The following PHTF2 variants were observed in gnomAD, a reference collection of about 807,000 sequenced individuals.
PHTF2 encodes protein PHTF2.
A neutral mutation model predicts 101.2 loss-of-function variants in PHTF2; 60 were observed. The ratio of observed to expected loss-of-function variants is 0.59; its 90% CI spans 0.48 to 0.73. The LOEUF is 0.73. PHTF2 is among the 30% of genes least tolerant of loss of function. The pLI is 0.00. For missense variants in PHTF2, 747 were observed against 908.7 expected, an observed-to-expected ratio of 0.82 and a Z score of 2.29; for synonymous variants, 311 against 307.3, an observed-to-expected ratio of 1.01 and a Z score of -0.13.
chr7:77,861,932 C>T (rs1797676704), intron 3 of PHTF2, among the ~76,000 whole-genome samples: 1 of 152,080 alleles, frequency 6.6e-6, no homozygotes, highest in African/African-American at 2.4e-5. Flanking sequence ...TAGCGCATGC[C>T]TGTAATCCCA....
At chr7:77,927,250 AGATT>A (rs932320928) in intron 11 of PHTF2, among the ~76,000 whole-genome samples, 68 of 150,836 alleles carry the variant, frequency 4.5e-4, no homozygotes, top group African/African-American at 1.4e-3. Flanking sequence ...ATAAAGAGAG[AGATT>A]GATTGTGGAA....
chr7:77,895,212 A>T, intron 5 of PHTF2: 1 of 449,312 alleles, frequency 2.2e-6, no homozygotes, highest in South Asian at 1.6e-5. Context: ...TTTGTATGTG[A>T]TACATACATA....
At chr7:77,912,671 A>G (rs1802507108) in intron 9 of PHTF2, among the ~76,000 whole-genome samples, 1 of 127,146 alleles carries the variant, frequency 7.9e-6, no homozygotes, top group Non-Finnish European at 1.7e-5. Context: ...GTATATATAT[A>G]TATTTTTAAC....
chr7:77,833,590 A>G (rs989065157), intron 1 of PHTF2, among the ~76,000 whole-genome samples: 2 of 152,170 alleles, frequency 1.3e-5, no homozygotes, highest in African/African-American at 2.4e-5. Flanking sequence ...ATGAGACTCC[A>G]TCTCTCTCTA....
intron 1 of PHTF2, among the ~76,000 whole-genome samples, chr7:77,806,737 AC>A (rs1175285136): frequency 1.3e-5 from 2 of 151,240 alleles, no homozygotes; most frequent in African/African-American, 2.4e-5. Flanking sequence ...TGTTCTTTTT[AC>A]CTTTTTTGGA....
exon 20 of PHTF2, chr7:77,956,984 T>C (rs1807021985): frequency 1.3e-5 from 2 of 152,172 alleles, no homozygotes; most frequent in African/African-American, 4.8e-5. Flanking sequence ...AAGGAAAATG[T>C]CATGTTAAGC....
Position 77,933,711 on chromosome 7 carries a change from GTT to G in PHTF2, c.1339-3982_1339-3981del, listed in dbSNP as rs372397795. Among the ~76,000 whole-genome samples the G allele has an allele frequency of 1.2e-3, 132 of 108,288 alleles. 1 individual carries two copies. The highest frequency in any genetic ancestry group is 3.3e-3 in the African/African-American group (105 of 31,732). The allele number at this position is 108,288 out of a possible 152,430, so 71.0% of individuals were successfully genotyped here. ...AGCAGCATAAAAGCAGGGACCATGT[GTT>G]TTTTTTTTTTTTTTTTGCTCAGTGT... On this transcript the variant is annotated intron_variant, in intron 12 of 19. Coordinates refer to ENST00000416283, the Ensembl canonical transcript of PHTF2.
intron 9 of PHTF2, among the ~76,000 whole-genome samples, chr7:77,914,669 A>G (rs1300159049): frequency 6.6e-6 from 1 of 152,160 alleles, no homozygotes; most frequent in Non-Finnish European, 1.5e-5. Flanking sequence ...ACTGAAAATC[A>G]CAGTTTTGTT....
rs747882978 is a variant in PHTF2 at position 77,890,599 on chromosome 7, CTTTT to C, written c.148-2988_148-2985del. On this transcript the variant is annotated intron_variant, in intron 3 of 19. Coordinates refer to ENST00000416283, the Ensembl canonical transcript of PHTF2. ...TATGTGGTGCATTGAAATAGTTACA[CTTTT>C]TTTTTTTTTTTTTTTTTTTTGAGAT... 1.5e-4 allele frequency among the ~76,000 whole-genome samples: 13 copies of C among 84,204 alleles called. No homozygotes were observed. In the Admixed American group the frequency reaches 2.0e-3, roughly 13 times the overall value. 55.2% of individuals were successfully genotyped at this position (84,204 alleles called of 152,430 possible). A position where few individuals can be genotyped will look rare whatever the true frequency, so the allele number is the denominator to read the frequency against.
Position 77,868,742 on chromosome 7 carries a change from T to C in PHTF2, c.147+13908T>C, listed in dbSNP as rs1032169971. On this transcript the variant is annotated intron_variant, in intron 3 of 19. Coordinates refer to ENST00000416283, the Ensembl canonical transcript of PHTF2. ...AGATAATGGAAAGCCTATGGGCTTTTATGCTTGCAGATGGAATCCAACTTC... is the reference window on the plus strand; with the variant it reads ...AGATAATGGAAAGCCTATGGGCTTTCATGCTTGCAGATGGAATCCAACTTC... 2.6e-5 allele frequency among the ~76,000 whole-genome samples: 4 copies of C among 152,202 alleles called. No homozygotes were observed. The East Asian group carries it at 7.7e-4, about 29-fold the overall frequency.
rs147683908 is a variant in PHTF2 at position 77,921,835 on chromosome 7, G to A, written c.964-788G>A. Among the ~76,000 whole-genome samples, 720 of 152,232 alleles carry A rather than the reference G, an allele frequency of 4.7e-3. 4 individuals carry two copies. Among genetic ancestry groups the A allele is most frequent in the Middle Eastern group, 0.02 (6 of 294 alleles). On this transcript the variant is annotated intron_variant, in intron 10 of 19. Coordinates refer to ENST00000416283, the Ensembl canonical transcript of PHTF2. ...GGATATCTTTTACAAATTGATGTGT[G>A]TAGAATGTTGTCTGACGTGCGCACA...
At position 77,842,923 on chromosome 7, in the gene PHTF2, C is replaced by T. The variant is rs575836590; in HGVS notation, c.45+2623C>T. Among the ~76,000 whole-genome samples the T allele has an allele frequency of 1.4e-3, 217 of 152,324 alleles. 1 individual carries two copies. Among genetic ancestry groups the T allele is most frequent in the African/African-American group, 4.8e-3 (201 of 41,568 alleles). ...AAAATTAATGAGCATGGCTGTGTTC[C>T]AGTAAAACTTAATTTACAAAAGCAG... On this transcript the variant is annotated intron_variant, in intron 2 of 19. Transcript: ENST00000416283.
intron 1 of PHTF2, among the ~76,000 whole-genome samples, chr7:77,813,999 G>T (rs1793646491): frequency 6.6e-6 from 1 of 152,150 alleles, no homozygotes; most frequent in Non-Finnish European, 1.5e-5. Flanking sequence ...CTGGTATCAA[G>T]AATAATATTT....
chr7:77,923,458 AC>A (rs1803669735), intron 11 of PHTF2: 1 of 985,252 alleles, frequency 1.0e-6, no homozygotes, highest in Non-Finnish European at 1.2e-6. Flanking sequence ...AACTTGTAAA[AC>A]AAACACATGT....
chr7:77,869,676 C>T (rs1029065059), intron 3 of PHTF2, among the ~76,000 whole-genome samples: 2 of 152,136 alleles, frequency 1.3e-5, no homozygotes, highest in Non-Finnish European at 1.5e-5. Context: ...TACATTCTTA[C>T]CAACAGTGTA....
rs368189146 is a variant in PHTF2 at position 77,942,798 on chromosome 7, C to T, written c.1959+12C>T. On this transcript the variant is annotated intron_variant, in intron 16 of 19. Coordinates refer to ENST00000416283, the Ensembl canonical transcript of PHTF2. The stretch of plus-strand genomic sequence containing the variant: ...TCTGTTGTGCCCAGGTGAGTTAACT[C>T]GCTCCATGTAGAAATTAACCAGATA... The T allele has an allele frequency of 5.5e-5, 76 of 1,380,436 alleles. No homozygotes were observed. The highest frequency in any genetic ancestry group is 1.4e-4 in the Admixed American group (7 of 51,528). 85.5% of individuals were successfully genotyped at this position (1,380,436 alleles called of 1,614,324 possible).
chr7:77,810,259 TC>T (rs1220485155), intron 1 of PHTF2, among the ~76,000 whole-genome samples: 1 of 152,164 alleles, frequency 6.6e-6, no homozygotes. Context: ...AGTTTTTATT[TC>T]CTAAATATAA....
Position 77,911,062 on chromosome 7 carries a change from A to G in PHTF2, c.776+653A>G, listed in dbSNP as rs569728321. 5.8e-4 allele frequency among the ~76,000 whole-genome samples: 88 copies of G among 152,292 alleles called. No individual in the cohort carries two copies. In the Middle Eastern group the frequency reaches 0.01, roughly 18 times the overall value. On this transcript the variant is annotated intron_variant, in intron 9 of 19. Transcript: ENST00000416283. ...TTTTTTCTTCTAAGTTCTTGCCTCAATTATCCAAAATTATCTGAAATAAAA... is the reference window on the plus strand; with the variant it reads ...TTTTTTCTTCTAAGTTCTTGCCTCAGTTATCCAAAATTATCTGAAATAAAA...
chr7:77,874,481 A>C (rs1412491902), intron 3 of PHTF2, among the ~76,000 whole-genome samples: 1 of 152,232 alleles, frequency 6.6e-6, no homozygotes, highest in South Asian at 2.1e-4. Context: ...CTGAGGAGCA[A>C]GGAGAGCCAG....
Sources: gnomAD v4.1 joint callset for allele counts (sites outside exome capture counted in the v4.1 genomes callset) on GRCh38, gnomAD v4.1.1 for gene constraint, MANE v1.5 for transcripts, NCBI Gene and HGNC (gene_info 2026-07-23, HGNC 2026-07-21) for gene names.